The following DGKB variants were observed in gnomAD, a reference collection of about 807,000 sequenced individuals.
The protein encoded by DGKB is 90 kDa diacylglycerol kinase.
Under a neutral mutation model 114.3 loss-of-function variants are expected in DGKB, and 67 were observed. That is an observed-to-expected ratio of 0.59 (90% CI 0.48 to 0.72). DGKB has a LOEUF of 0.72. DGKB is among the 30% of genes least tolerant of loss of function. The pLI is 0.00. For missense variants in DGKB, 907 were observed against 975.2 expected, an observed-to-expected ratio of 0.93 and a Z score of 0.93; for synonymous variants, 398 against 323.1, an observed-to-expected ratio of 1.23 and a Z score of -2.49.
At chr7:14,502,084 G>A (rs1386989490) in intron 20 of DGKB, among the ~76,000 whole-genome samples, 3 of 151,906 alleles carry the variant, frequency 2.0e-5, no homozygotes, top group Non-Finnish European at 2.9e-5. Context: ...ATACCCCAGT[G>A]AAAGAGGAAG....
intron 23 of DGKB, among the ~76,000 whole-genome samples, chr7:14,306,135 A>G (rs1262269682): frequency 6.6e-6 from 1 of 152,134 alleles, no homozygotes; most frequent in Non-Finnish European, 1.5e-5. Flanking sequence ...ATTCTTGAGT[A>G]GCTATCTACT....
chr7:14,659,014 T>C lies in DGKB; in HGVS notation c.1134+13915A>G, dbSNP rs546805648. Among the ~76,000 whole-genome samples the C allele has an allele frequency of 3.5e-4, 53 of 151,960 alleles. No individual in the cohort carries two copies. The South Asian group carries it at 0.01, about 29-fold the overall frequency. On this transcript the variant is annotated intron_variant, in intron 13 of 25. Coordinates refer to ENST00000402815, the MANE Select transcript of DGKB (RefSeq NM_001350709.2). The stretch of plus-strand genomic sequence containing the variant: ...GTTTGCTGCACCTATCAACCCATCA[T>C]CTAGGTTTCAAGCCCCACATGCATT...
chr7:14,316,727 C>T (rs1806614682), intron 23 of DGKB, among the ~76,000 whole-genome samples: 1 of 150,448 alleles, frequency 6.6e-6, no homozygotes, highest in Non-Finnish European at 1.5e-5. Flanking sequence ...TGGTACCATT[C>T]CTTCTGAAAC....
At chr7:14,792,552 C>T (rs1379821923) in intron 2 of DGKB, among the ~76,000 whole-genome samples, 1 of 151,978 alleles carries the variant, frequency 6.6e-6, no homozygotes, top group South Asian at 2.1e-4. Flanking sequence ...AAATGACAAC[C>T]CTGGTTCCCT....
At chr7:14,905,157 G>A (rs1204441698), upstream of DGKB, among the ~76,000 whole-genome samples, 1 of 151,708 alleles carries the variant, frequency 6.6e-6, no homozygotes, top group African/African-American at 2.4e-5. Flanking sequence ...AAATAAGAAG[G>A]AGTCTAAACA....
At chr7:14,500,325 C>CTT (rs1247653962) in intron 20 of DGKB, among the ~76,000 whole-genome samples, 1 of 151,460 alleles carries the variant, frequency 6.6e-6, no homozygotes, top group East Asian at 1.9e-4. Context: ...ATTGATCAGC[C>CTT]TTTTAAATAA....
At chr7:14,637,443 T>G (rs560083975) in intron 13 of DGKB, among the ~76,000 whole-genome samples, 13 of 151,980 alleles carry the variant, frequency 8.6e-5, no homozygotes, top group African/African-American at 3.1e-4. Context: ...ATACTTTTTA[T>G]ATGCTCTTTA....
At chr7:14,773,003 C>T (rs1263128220) in intron 2 of DGKB, among the ~76,000 whole-genome samples, 3 of 152,126 alleles carry the variant, frequency 2.0e-5, no homozygotes, top group African/African-American at 7.2e-5. Flanking sequence ...ACAAAACATG[C>T]CTTGTCTCCT....
intron 23 of DGKB, among the ~76,000 whole-genome samples, chr7:14,306,037 G>T (rs886561741): frequency 6.6e-6 from 1 of 151,832 alleles, no homozygotes; most frequent in Non-Finnish European, 1.5e-5. Context: ...CATCTAGTTG[G>T]TCTGAAATCT....
At chr7:14,529,341 A>G (rs1437980847) in intron 20 of DGKB, among the ~76,000 whole-genome samples, 2 of 152,004 alleles carry the variant, frequency 1.3e-5, no homozygotes, top group African/African-American at 2.4e-5. Context: ...AAAGTTGAAA[A>G]TCAACTATTT....
intron 12 of DGKB, among the ~76,000 whole-genome samples, chr7:14,682,207 G>C (rs550740626): frequency 6.6e-6 from 1 of 152,008 alleles, no homozygotes; most frequent in Non-Finnish European, 1.5e-5. Flanking sequence ...GGAGTAAAGG[G>C]AGAGCTGAGT....
chr7:14,820,654 T>C (rs1478673125), intron 2 of DGKB, among the ~76,000 whole-genome samples: 1 of 152,170 alleles, frequency 6.6e-6, no homozygotes. Flanking sequence ...ATGCTCTAAA[T>C]GTCATTGGAT....
intron 1 of DGKB, among the ~76,000 whole-genome samples, chr7:14,894,884 G>A (rs999246161): frequency 6.6e-6 from 1 of 151,566 alleles, no homozygotes; most frequent in Non-Finnish European, 1.5e-5. Context: ...TATCTTTAAT[G>A]TGTAACAAAG....
chr7:14,600,037 T>A (rs943503825), intron 17 of DGKB, among the ~76,000 whole-genome samples: 1 of 152,180 alleles, frequency 6.6e-6, no homozygotes, highest in African/African-American at 2.4e-5. Flanking sequence ...TGACAGGTAT[T>A]TATTTCTCAC....
In DGKB at chr7:14,236,572, G is replaced by A. The variant is rs144823406; in HGVS notation, c.2123-58421C>T. 2.7e-3 allele frequency among the ~76,000 whole-genome samples: 414 copies of A among 151,886 alleles called. 2 individuals are homozygous for A. The highest frequency in any genetic ancestry group is 9.6e-3 in the African/African-American group (400 of 41,470). ...GATGTAATATAGTTCTGTAATTTTCGTGAAATAATTTTAGAACTGCTGGGA... is the reference window on the plus strand; with the variant it reads ...GATGTAATATAGTTCTGTAATTTTCATGAAATAATTTTAGAACTGCTGGGA... On this transcript the variant is annotated intron_variant, in intron 23 of 25. Transcript: ENST00000402815.
At chr7:14,527,310 G>A (rs2128582461) in intron 20 of DGKB, among the ~76,000 whole-genome samples, 1 of 152,168 alleles carries the variant, frequency 6.6e-6, no homozygotes, top group East Asian at 1.9e-4. Context: ...GAACAGAATT[G>A]GGAATTTATT....
At chr7:14,599,014 A>G (rs1414270434) in intron 17 of DGKB, among the ~76,000 whole-genome samples, 1 of 152,200 alleles carries the variant, frequency 6.6e-6, no homozygotes, top group Non-Finnish European at 1.5e-5. Flanking sequence ...TTTTGTGTTT[A>G]AAGAACATTG....
intron 21 of DGKB, among the ~76,000 whole-genome samples, chr7:14,476,935 A>G (rs1782267616): frequency 6.6e-6 from 1 of 151,872 alleles, no homozygotes; most frequent in African/African-American, 2.4e-5. Flanking sequence ...TATTTTTAGT[A>G]GAGACATGGT....
At chr7:14,514,401 C>T (rs961873715) in intron 20 of DGKB, among the ~76,000 whole-genome samples, 2 of 152,096 alleles carry the variant, frequency 1.3e-5, no homozygotes, top group Non-Finnish European at 2.9e-5. Context: ...TTCCTCAAAG[C>T]TACTTACAAG....
Sources: allele counts gnomAD v4.1 joint callset (sites outside exome capture counted in the v4.1 genomes callset), GRCh38; gene constraint gnomAD v4.1.1; transcripts MANE v1.5; gene names NCBI Gene and HGNC (gene_info 2026-07-23, HGNC 2026-07-21).